SLC38A1: variants seen among roughly 807,000 people sequenced by gnomAD.
SLC38A1 encodes the protein sodium-coupled neutral amino acid symporter 1.
A neutral mutation model predicts 60.3 loss-of-function variants in SLC38A1; 18 were observed. The observed-to-expected ratio is 0.30, with a 90% CI of 0.21 to 0.44. SLC38A1 has a LOEUF of 0.44. Ranked by LOEUF, SLC38A1 falls within the 20% of genes least tolerant of loss-of-function variation. The pLI is 1.00. For missense variants in SLC38A1, 448 were observed against 587.2 expected (o/e 0.76, Z 2.45); for synonymous variants, 196 against 212.1 (o/e 0.92, Z 0.66).
chr12:46,209,535 G>C (rs1940055843), intron 5 of SLC38A1, among the ~76,000 whole-genome samples: 1 of 152,158 alleles, frequency 6.6e-6, no homozygotes, highest in Non-Finnish European at 1.5e-5. Flanking sequence ...ATGACCACCT[G>C]ACTTTGGGCA....
chr12:46,188,157 C>A lies in SLC38A1; in HGVS notation c.*813G>T, dbSNP rs1408087418. ...TTTGCAGTAGGTTCCATAGGTTTTC[C>A]CCAGCGAAAGTTGACTCAGACCAGA... On this transcript the variant is annotated 3_prime_UTR_variant, in exon 17 of 17. Coordinates refer to ENST00000398637, the MANE Select transcript of SLC38A1 (RefSeq NM_030674.4). The A allele has an allele frequency of 2.0e-5, 3 of 152,104 alleles. No individual in the cohort carries two copies. Among genetic ancestry groups the A allele is most frequent in the Non-Finnish European group, 4.4e-5 (3 of 68,014 alleles). 9.4% of individuals were successfully genotyped at this position (152,104 alleles called of 1,614,324 possible). A position where few individuals can be genotyped will look rare whatever the true frequency, so the allele number is the denominator to read the frequency against.
At chr12:46,241,581 C>A (rs1261921389) in intron 2 of SLC38A1, among the ~76,000 whole-genome samples, 1 of 152,186 alleles carries the variant, frequency 6.6e-6, no homozygotes, top group African/African-American at 2.4e-5. Context: ...CCTCATGACT[C>A]CTGGTCTGAG....
At chr12:46,252,388 A>G (rs1243604542) in intron 1 of SLC38A1, among the ~76,000 whole-genome samples, 1 of 152,118 alleles carries the variant, frequency 6.6e-6, no homozygotes, top group Non-Finnish European at 1.5e-5. Flanking sequence ...CCCAATGTAA[A>G]TGACGAATTA....
At chr12:46,208,517 G>A (rs1334171416) in intron 6 of SLC38A1, among the ~76,000 whole-genome samples, 1 of 152,146 alleles carries the variant, frequency 6.6e-6, no homozygotes, top group African/African-American at 2.4e-5. Flanking sequence ...TTTAGTTAAT[G>A]TAAAAGTCAA....
At chr12:46,235,328 A>G (rs1173702341) in intron 3 of SLC38A1, among the ~76,000 whole-genome samples, 7 of 152,254 alleles carry the variant, frequency 4.6e-5, no homozygotes, top group Admixed American at 4.6e-4. Flanking sequence ...AACATAAAAG[A>G]GATGAGTGGT....
intron 1 of SLC38A1, among the ~76,000 whole-genome samples, chr12:46,248,646 G>C (rs1362431648): frequency 6.6e-6 from 1 of 152,134 alleles, no homozygotes; most frequent in Non-Finnish European, 1.5e-5. Flanking sequence ...TCCAAGACTT[G>C]AACTCATCTT....
intron 16 of SLC38A1, chr12:46,195,688 C>T (rs12296427): frequency 0.092 from 15,172 of 164,382 alleles, 1,353 homozygotes; most frequent in African/African-American, 0.23. Flanking sequence ...CAAGCTGCAG[C>T]GTCGCAGGTC....
At chr12:46,262,347 G>A (rs1942223404) in intron 1 of SLC38A1, among the ~76,000 whole-genome samples, 1 of 151,666 alleles carries the variant, frequency 6.6e-6, no homozygotes, top group Non-Finnish European at 1.5e-5. Context: ...CCTATAACTG[G>A]ATATAGGAGG....
chr12:46,237,390 A>G (rs1941296622), intron 3 of SLC38A1, among the ~76,000 whole-genome samples: 1 of 148,782 alleles, frequency 6.7e-6, no homozygotes, highest in South Asian at 2.1e-4. Flanking sequence ...CTTTTTCTTT[A>G]TTAGCTTCAT....
chr12:46,244,899 ATTACT>A (rs1941562973), intron 1 of SLC38A1, among the ~76,000 whole-genome samples: 1 of 152,148 alleles, frequency 6.6e-6, no homozygotes, highest in South Asian at 2.1e-4. Context: ...AATTTTTTTT[ATTACT>A]GGAAATTTTA....
chr12:46,200,057 T>G (rs953617118), intron 13 of SLC38A1, among the ~76,000 whole-genome samples: 4 of 152,118 alleles, frequency 2.6e-5, no homozygotes, highest in Non-Finnish European at 5.9e-5. Flanking sequence ...CAAAGAAAAA[T>G]TATAGCTTCA....
In SLC38A1 at chr12:46,235,381, A is replaced by G. The variant is rs1941223988; in HGVS notation, c.122+4298T>C. On this transcript the variant is annotated intron_variant, in intron 3 of 16. Coordinates refer to ENST00000398637, the MANE Select transcript of SLC38A1 (RefSeq NM_030674.4). ...TCCTACTCCTTTCTCTGAAATGCTAACATTGTATTAAAAAGGAGAATAAAA... is the reference window on the plus strand; with the variant it reads ...TCCTACTCCTTTCTCTGAAATGCTAGCATTGTATTAAAAAGGAGAATAAAA... Among the ~76,000 whole-genome samples, 2 of 152,328 alleles carry G rather than the reference A, an allele frequency of 1.3e-5. 1 individual carries two copies. Among genetic ancestry groups the G allele is most frequent in the East Asian group, 3.9e-4 (2 of 5,192 alleles).
At chr12:46,252,305 G>C (rs563635197) in intron 1 of SLC38A1, among the ~76,000 whole-genome samples, 4 of 152,162 alleles carry the variant, frequency 2.6e-5, no homozygotes, top group Admixed American at 2.0e-4. Context: ...GTTGGACACA[G>C]GGAGGGGAAC....
intron 2 of SLC38A1, among the ~76,000 whole-genome samples, chr12:46,242,014 C>T (rs1161045729): frequency 5.3e-5 from 8 of 152,072 alleles, no homozygotes; most frequent in Admixed American, 5.2e-4. Flanking sequence ...TTTAAATTTT[C>T]ATATTAAAAA....
chr12:46,232,813 TAA>T lies in SLC38A1; in HGVS notation c.123-3176_123-3175del, dbSNP rs368826222. On this transcript the variant is annotated intron_variant, in intron 3 of 16. Transcript: ENST00000398637. The stretch of plus-strand genomic sequence containing the variant: ...CCTATGCATATCCTCCTGTATACTT[TAA>T]GTCATCTCTAGACTACTTATAATAC... Among the ~76,000 whole-genome samples the T allele has an allele frequency of 8.5e-5, 13 of 152,340 alleles. No individual in the cohort carries two copies. The East Asian group carries it at 2.1e-3, about 25-fold the overall frequency.
At chr12:46,249,618 G>T (rs1414911469) in intron 1 of SLC38A1, among the ~76,000 whole-genome samples, 1 of 151,750 alleles carries the variant, frequency 6.6e-6, no homozygotes, top group Non-Finnish European at 1.5e-5. Context: ...AAAGAGAGAA[G>T]AATCAAATAG....
At chr12:46,220,194 CAGTGG>C (rs1165496153) in intron 5 of SLC38A1, among the ~76,000 whole-genome samples, 1 of 152,184 alleles carries the variant, frequency 6.6e-6, no homozygotes, top group Non-Finnish European at 1.5e-5. Flanking sequence ...CTTCTTAATC[CAGTGG>C]ATTTCAATAG....
At chr12:46,267,865 T>C (rs1942407989) in intron 1 of SLC38A1, among the ~76,000 whole-genome samples, 1 of 152,198 alleles carries the variant, frequency 6.6e-6, no homozygotes, top group Admixed American at 6.5e-5. Context: ...ACCCTCTGCA[T>C]TTTAGAAAAT....
At chr12:46,222,351 C>G (rs2137683076) in intron 5 of SLC38A1, among the ~76,000 whole-genome samples, 1 of 152,140 alleles carries the variant, frequency 6.6e-6, no homozygotes, top group South Asian at 2.1e-4. Context: ...TAACCACTGC[C>G]AACAGTTCTC....
Sources: allele counts gnomAD v4.1 joint callset (sites outside exome capture counted in the v4.1 genomes callset), GRCh38; gene constraint gnomAD v4.1.1; transcripts MANE v1.5; gene names NCBI Gene and HGNC (gene_info 2026-07-23, HGNC 2026-07-21).